REV1: variants seen among roughly 807,000 people sequenced by gnomAD.
REV1 encodes REV1 DNA directed polymerase, also known as translesion synthesis protein REV1.
A neutral mutation model predicts 137.4 loss-of-function variants in REV1; 42 were observed. That is an observed-to-expected ratio of 0.31 (90% CI 0.24 to 0.40). The LOEUF (loss-of-function observed/expected upper bound fraction) is 0.40. REV1 is among the 10% of genes least tolerant of loss of function. REV1 has a pLI of 1.00. For missense variants in REV1, 1,282 were observed against 1,490.1 expected, an observed-to-expected ratio of 0.86 and a Z score of 2.30; for synonymous variants, 524 against 519.2, an observed-to-expected ratio of 1.01 and a Z score of -0.12.
At chr2:99,486,130 A>T (rs1032303373) in intron 1 of REV1, among the ~76,000 whole-genome samples, 8 of 152,240 alleles carry the variant, frequency 5.3e-5, no homozygotes, top group Non-Finnish European at 1.2e-4. Flanking sequence ...GTCTCAAAAA[A>T]TGTTAAAAAA....
At chr2:99,483,627 G>A (rs1575262886) in intron 1 of REV1, among the ~76,000 whole-genome samples, 1 of 152,204 alleles carries the variant, frequency 6.6e-6, no homozygotes, top group African/African-American at 2.4e-5. Flanking sequence ...TTATAATAGA[G>A]GACAAAATTT....
At chr2:99,470,441 C>G (rs561328647) in intron 1 of REV1, among the ~76,000 whole-genome samples, 15 of 152,314 alleles carry the variant, frequency 9.8e-5, no homozygotes, top group African/African-American at 3.6e-4. Context: ...CTCTTAGAAG[C>G]AAAATTTATT....
chr2:99,472,710 G>T (rs373660388), intron 1 of REV1, among the ~76,000 whole-genome samples: 29 of 152,258 alleles, frequency 1.9e-4, no homozygotes, highest in African/African-American at 6.7e-4. Context: ...ACTTTGAATT[G>T]GCAGTAGTGG....
intron 8 of REV1, among the ~76,000 whole-genome samples, chr2:99,432,780 T>A (rs1054221780): frequency 6.6e-6 from 1 of 152,202 alleles, no homozygotes; most frequent in Admixed American, 6.5e-5. Context: ...TTATAGAAGG[T>A]CATTAAAATG....
intron 1 of REV1, among the ~76,000 whole-genome samples, chr2:99,467,943 G>C (rs2105185379): frequency 6.6e-6 from 1 of 152,294 alleles, no homozygotes; most frequent in South Asian, 2.1e-4. Context: ...CACTTTGGGA[G>C]GCCGAGGTGG....
At chr2:99,462,403 TAATA>T in intron 3 of REV1, 89 bp downstream of exon 3, 1 of 1,183,926 alleles carries the variant, frequency 8.4e-7, no homozygotes, top group Non-Finnish European at 1.2e-6. Context: ...CATTTGTCTA[TAATA>T]AATGAGTAAA....
intron 1 of REV1, among the ~76,000 whole-genome samples, chr2:99,466,491 C>G (rs1202760420): frequency 6.6e-6 from 1 of 152,206 alleles, no homozygotes; most frequent in East Asian, 1.9e-4. Flanking sequence ...ATCTGCCCGC[C>G]TATGCCTCCC....
intron 12 of REV1, among the ~76,000 whole-genome samples, chr2:99,414,221 T>A (rs1677552756): frequency 6.6e-6 from 1 of 152,188 alleles, no homozygotes; most frequent in African/African-American, 2.4e-5. Flanking sequence ...CTGAGTGGTC[T>A]TCAGTAGCAG....
chr2:99,405,692 G>C (rs1676183630), intron 17 of REV1: 6 of 389,414 alleles, frequency 1.5e-5, no homozygotes, highest in African/African-American at 4.1e-5. Flanking sequence ...TTTACAACTT[G>C]CAAGAGTGGC....
intron 3 of REV1, among the ~76,000 whole-genome samples, chr2:99,458,674 C>T (rs928424368): frequency 6.6e-6 from 1 of 152,144 alleles, no homozygotes; most frequent in African/African-American, 2.4e-5. Context: ...CAAACTGGTA[C>T]ATCCACACTA....
At chr2:99,459,929 G>A (rs1039115916) in intron 3 of REV1, among the ~76,000 whole-genome samples, 2 of 152,088 alleles carry the variant, frequency 1.3e-5, no homozygotes, top group Non-Finnish European at 2.9e-5. Flanking sequence ...AGCTTTAAAG[G>A]AATCAAGAAC....
rs1454996503 is a variant in REV1 at position 99,450,425 on chromosome 2, AGG to A, written c.182-923_182-922del. 1.1e-4 allele frequency among the ~76,000 whole-genome samples: 17 copies of A among 152,304 alleles called. No homozygotes were observed. The South Asian group carries it at 3.5e-3, about 32-fold the overall frequency. On this transcript the variant is annotated intron_variant, in intron 3 of 22. Transcript: ENST00000258428. Reference sequence around the variant, plus strand: ...ACCTCCCCTAACAACAGCTGTACCCAGGGGGAGTTTCCACATGTGGCTTATCG... The same window carrying A: ...ACCTCCCCTAACAACAGCTGTACCCAGGGAGTTTCCACATGTGGCTTATCG...
At chr2:99,470,265 T>C (rs1685268243) in intron 1 of REV1, among the ~76,000 whole-genome samples, 1 of 152,242 alleles carries the variant, frequency 6.6e-6, no homozygotes, top group Non-Finnish European at 1.5e-5. Flanking sequence ...TGGTTACATA[T>C]CTGTAACTCT....
intron 5 of REV1, among the ~76,000 whole-genome samples, chr2:99,441,212 AT>A (rs1681452420): frequency 1.3e-5 from 2 of 152,236 alleles, no homozygotes; most frequent in East Asian, 1.9e-4. Flanking sequence ...AACATGAAAA[AT>A]ATTTGAATAT....
At chr2:99,450,180 A>G (rs898914687) in intron 3 of REV1, among the ~76,000 whole-genome samples, 9 of 152,200 alleles carry the variant, frequency 5.9e-5, no homozygotes, top group Non-Finnish European at 2.9e-5. Flanking sequence ...TTTGTTTCAA[A>G]TGATTTATTC....
intron 1 of REV1, among the ~76,000 whole-genome samples, chr2:99,489,100 G>T (rs578211811): frequency 6.6e-6 from 1 of 152,148 alleles, no homozygotes; most frequent in African/African-American, 2.4e-5. Flanking sequence ...AGCGCGGCTC[G>T]GTGCGCCCAG....
intron 3 of REV1, among the ~76,000 whole-genome samples, chr2:99,452,350 G>C (rs1177665929): frequency 6.7e-6 from 1 of 149,702 alleles, no homozygotes; most frequent in Non-Finnish European, 1.5e-5. Flanking sequence ...TTGAGCCAGA[G>C]AGGCAGAGTT....
At chr2:99,489,381 G>A (rs1687440565) in intron 1 of REV1, among the ~76,000 whole-genome samples, 1 of 152,090 alleles carries the variant, frequency 6.6e-6, no homozygotes, top group Non-Finnish European at 1.5e-5. Flanking sequence ...CCGAACGCGC[G>A]CGTGAATGAA....
At position 99,412,892 on chromosome 2, in the gene REV1, A is replaced by C; in HGVS notation, c.2011T>G (p.Leu671Val). Residue 671 changes from leucine to valine, a missense_variant, in exon 13 of 23, where the codon TTG becomes GTG. This residue lies in a region of REV1 where 372 missense variants were observed against 482.3 expected (regional missense o/e 0.77). Transcript: ENST00000258428. ...ASLGIKTCGD[L>V]QYMTMAKLQK... ...AGTTTTGCCATGGTCATATACTGCA[A>C]GTCTCCACAAGTTTTAATTCCCAAA... 1.2e-6 allele frequency: 2 copies of C among 1,614,162 alleles called. No homozygotes were observed. The highest frequency in any genetic ancestry group is 8.5e-7 in the Non-Finnish European group (1 of 1,180,000).
Sources: allele counts gnomAD v4.1 joint callset (sites outside exome capture counted in the v4.1 genomes callset), GRCh38; gene constraint gnomAD v4.1.1; regional missense constraint gnomAD v4.1.1; transcripts MANE v1.5; gene names NCBI Gene and HGNC (gene_info 2026-07-23, HGNC 2026-07-21).